The following DCC variants were observed in gnomAD, a reference collection of about 807,000 sequenced individuals.
The protein encoded by DCC is netrin receptor DCC.
A neutral mutation model predicts 172.5 loss-of-function variants in DCC; 58 were observed. That is an observed-to-expected ratio of 0.34 (90% CI 0.27 to 0.42). The LOEUF (loss-of-function observed/expected upper bound fraction) is 0.42, where lower values mean the gene tolerates loss of function less well. DCC is among the 10% of genes least tolerant of loss of function. The pLI, the probability that DCC is intolerant of heterozygous loss-of-function variation, is 1.00. For synonymous variants in DCC, 709 were observed against 644.5 expected, an observed-to-expected ratio of 1.10 and a Z score of -1.52; for missense variants, 1,740 against 1,791.0, an observed-to-expected ratio of 0.97 and a Z score of 0.51.
intron 15 of DCC, among the ~76,000 whole-genome samples, chr18:53,366,864 G>T (rs1038398908): frequency 1.3e-5 from 2 of 152,106 alleles, no homozygotes; most frequent in Non-Finnish European, 2.9e-5. Flanking sequence ...GAGCACTCAG[G>T]GTCCTTCCCT....
intron 2 of DCC, among the ~76,000 whole-genome samples, chr18:52,786,619 G>GA (rs773902579): frequency 6.6e-6 from 1 of 152,122 alleles, no homozygotes; most frequent in Non-Finnish European, 1.5e-5. Context: ...AGGAATCTTA[G>GA]ATAGGACCTT....
chr18:52,419,913 A>G (rs1056057236), intron 1 of DCC, among the ~76,000 whole-genome samples: 1 of 152,166 alleles, frequency 6.6e-6, no homozygotes, highest in Admixed American at 6.5e-5. Flanking sequence ...AGTAACAATA[A>G]TTTCATAAAG....
At chr18:52,997,321 G>A (rs1445210430) in intron 5 of DCC, among the ~76,000 whole-genome samples, 3 of 151,904 alleles carry the variant, frequency 2.0e-5, no homozygotes, top group African/African-American at 4.8e-5. Flanking sequence ...ATAGATTTTT[G>A]GACTTCTAAA....
At chr18:53,019,949 G>A (rs4077283) in intron 5 of DCC, among the ~76,000 whole-genome samples, 110,076 of 151,952 alleles carry the variant, frequency 0.72, 40,021 homozygotes, top group Non-Finnish European at 0.74. Flanking sequence ...AGAGAAAATG[G>A]CATTTCCTGG....
chr18:52,739,981 T>A (rs1435593071), intron 1 of DCC, among the ~76,000 whole-genome samples: 2 of 152,150 alleles, frequency 1.3e-5, no homozygotes, highest in African/African-American at 2.4e-5. Flanking sequence ...AATTAGAATA[T>A]TTTTAGAATT....
At chr18:52,996,777 T>C (rs975115348) in intron 5 of DCC, among the ~76,000 whole-genome samples, 6 of 139,856 alleles carry the variant, frequency 4.3e-5, no homozygotes, top group Non-Finnish European at 3.2e-5. Flanking sequence ...TTTTTCTTTT[T>C]TTTTTTTTTT....
intron 1 of DCC, among the ~76,000 whole-genome samples, chr18:52,497,770 G>T (rs985182528): frequency 2.0e-5 from 3 of 152,086 alleles, no homozygotes; most frequent in African/African-American, 7.2e-5. Flanking sequence ...AGTAGCAGCA[G>T]CATCACCACG....
intron 1 of DCC, among the ~76,000 whole-genome samples, chr18:52,672,939 C>T (rs903243354): frequency 2.0e-5 from 3 of 152,076 alleles, no homozygotes; most frequent in South Asian, 4.1e-4. Flanking sequence ...TGATGGTCAC[C>T]TTAGTCCCAG....
intron 1 of DCC, among the ~76,000 whole-genome samples, chr18:52,700,288 A>C (rs1356494785): frequency 2.6e-4 from 21 of 80,458 alleles, no homozygotes. Flanking sequence ...ATGCACACAC[A>C]TGCACATCCA....
intron 1 of DCC, among the ~76,000 whole-genome samples, chr18:52,643,447 C>T (rs1169648966): frequency 6.6e-6 from 1 of 152,122 alleles, no homozygotes; most frequent in East Asian, 1.9e-4. Context: ...ATTGGCCATC[C>T]TTCGCAATGC....
chr18:53,148,865 C>CTTTTTTTTTATTTTTTTTTTTTTTTTT (rs2043956468), intron 7 of DCC, among the ~76,000 whole-genome samples: 1 of 109,820 alleles, frequency 9.1e-6, no homozygotes, highest in Non-Finnish European at 1.8e-5. Context: ...TTCCCAATGC[C>CTTTTTTTTTATTTTTTTTTTTTTTTTT]TTTTTTTTTT....
chr18:53,429,666 C>T (rs140373449), intron 21 of DCC, among the ~76,000 whole-genome samples: 89 of 152,132 alleles, frequency 5.9e-4, no homozygotes, highest in African/African-American at 2.1e-3. Context: ...TTACCAAATG[C>T]ATTCCTATCC....
At chr18:53,296,781 T>G (rs377461963) in intron 12 of DCC, among the ~76,000 whole-genome samples, 12 of 152,278 alleles carry the variant, frequency 7.9e-5, no homozygotes, top group Middle Eastern at 6.8e-3. Context: ...TCCTGTGAGA[T>G]TCAAGTCACC....
chr18:52,888,797 G>A (rs965409030), intron 2 of DCC, among the ~76,000 whole-genome samples: 4 of 151,962 alleles, frequency 2.6e-5, no homozygotes, highest in Non-Finnish European at 2.9e-5. Context: ...AAGCAAATGT[G>A]TATGTGTATA....
At chr18:53,092,831 C>A (rs559125799) in intron 7 of DCC, among the ~76,000 whole-genome samples, 1 of 152,002 alleles carries the variant, frequency 6.6e-6, no homozygotes, top group Non-Finnish European at 1.5e-5. Context: ...TCATAGACCC[C>A]GAAACAACTT....
chr18:52,837,378 T>C (rs776473389), intron 2 of DCC, among the ~76,000 whole-genome samples: 3 of 152,192 alleles, frequency 2.0e-5, no homozygotes, highest in Non-Finnish European at 4.4e-5. Flanking sequence ...TCCAAACTTT[T>C]ATGCTCTGCT....
intron 1 of DCC, among the ~76,000 whole-genome samples, chr18:52,476,986 C>T (rs1357183515): frequency 8.5e-5 from 13 of 152,078 alleles, no homozygotes; most frequent in Admixed American, 5.9e-4. Context: ...CAAGGCAGCC[C>T]GTGCAACACC....
intron 7 of DCC, among the ~76,000 whole-genome samples, chr18:53,071,367 G>T (rs4510098): frequency 0.32 from 49,302 of 151,992 alleles, 8,902 homozygotes; most frequent in Non-Finnish European, 0.41. Flanking sequence ...ATGTATACAC[G>T]GTTTCCTCTA....
chr18:53,248,362 T>A (rs1412034007), intron 12 of DCC, among the ~76,000 whole-genome samples: 1 of 151,972 alleles, frequency 6.6e-6, no homozygotes, highest in Non-Finnish European at 1.5e-5. Context: ...CTGTGGCCAA[T>A]GAGACTTAAG....
Sources: gnomAD v4.1 joint callset for allele counts (sites outside exome capture counted in the v4.1 genomes callset) on GRCh38, gnomAD v4.1.1 for gene constraint, MANE v1.5 for transcripts, NCBI Gene and HGNC (gene_info 2026-07-23, HGNC 2026-07-21) for gene names.